Variants in CALCR observed in about 807,000 individuals in gnomAD.
The protein encoded by CALCR is calcitonin receptor.
Under a neutral mutation model 59.5 loss-of-function variants are expected in CALCR, and 47 were observed. The ratio of observed to expected loss-of-function variants is 0.79; its 90% CI spans 0.63 to 1.01. The LOEUF is 1.01. Ranked by LOEUF, CALCR falls within the 50% of genes least tolerant of loss-of-function variation. The probability of loss-of-function intolerance (pLI) is 0.00; values close to 1 mark genes in which losing one functional copy is unlikely to be tolerated. For synonymous variants in CALCR, 213 were observed against 211.3 expected, an observed-to-expected ratio of 1.01 and a Z score of -0.07; for missense variants, 566 against 597.1, an observed-to-expected ratio of 0.95 and a Z score of 0.54.
chr7:93,445,009 G>A (rs946264694), intron 8 of CALCR, among the ~76,000 whole-genome samples: 2 of 152,046 alleles, frequency 1.3e-5, no homozygotes, highest in Non-Finnish European at 2.9e-5. Flanking sequence ...ATATTCTACT[G>A]TGTTTCCTTT....
At chr7:93,450,843 C>A (rs1035299515) in intron 8 of CALCR, among the ~76,000 whole-genome samples, 5 of 151,932 alleles carry the variant, frequency 3.3e-5, no homozygotes, top group African/African-American at 4.8e-5. Context: ...GTAATATATA[C>A]CCTGTAACAT....
intron 4 of CALCR, among the ~76,000 whole-genome samples, chr7:93,478,636 A>AATATATATATATAT (rs10543619): frequency 1.4e-5 from 2 of 147,478 alleles, no homozygotes; most frequent in African/African-American, 4.9e-5. Context: ...CCCTGTCTTA[A>AATATATATATATAT]ATATATATAT....
intron 2 of CALCR, among the ~76,000 whole-genome samples, chr7:93,518,364 A>G (rs1007229353): frequency 2.0e-5 from 3 of 151,862 alleles, no homozygotes; most frequent in Non-Finnish European, 4.4e-5. Context: ...AACAAAAAAC[A>G]CAAATGACCT....
intron 2 of CALCR, among the ~76,000 whole-genome samples, chr7:93,567,615 T>C (rs938223705): frequency 2.6e-5 from 4 of 152,282 alleles, no homozygotes; most frequent in East Asian, 1.9e-4. Flanking sequence ...GTTTGTTACA[T>C]AGGTATACAT....
intron 13 of CALCR, 38 bp from the exon 14 acceptor site, chr7:93,426,627 T>G: frequency 9.7e-7 from 1 of 1,032,372 alleles, no homozygotes; most frequent in Non-Finnish European, 1.5e-6. Flanking sequence ...TATATGATAG[T>G]CAGAAATGAT....
chr7:93,502,116 T>C (rs968670654), intron 2 of CALCR, among the ~76,000 whole-genome samples: 1 of 152,082 alleles, frequency 6.6e-6, no homozygotes, highest in Non-Finnish European at 1.5e-5. Flanking sequence ...GGACTCCTTT[T>C]TTGAAGAGGG....
At chr7:93,464,984 T>C (rs1358565729) in intron 7 of CALCR, among the ~76,000 whole-genome samples, 1 of 151,990 alleles carries the variant, frequency 6.6e-6, no homozygotes, top group East Asian at 1.9e-4. Context: ...ATTACCTATA[T>C]ATGCTTTTTG....
chr7:93,458,809 T>C (rs1800260370), intron 8 of CALCR, among the ~76,000 whole-genome samples: 1 of 152,174 alleles, frequency 6.6e-6, no homozygotes, highest in South Asian at 2.1e-4. Context: ...TTCCAGCGTA[T>C]TGTCTCCACA....
At chr7:93,438,391 T>C (rs1057332707) in intron 9 of CALCR, 121 bp from the exon 10 acceptor site, 1 of 738,780 alleles carries the variant, frequency 1.4e-6, no homozygotes. Context: ...TCTGTCAAGA[T>C]GTTCCCCTGA....
intron 13 of CALCR, among the ~76,000 whole-genome samples, chr7:93,432,515 A>G (rs1390060533): frequency 6.6e-6 from 1 of 152,210 alleles, no homozygotes; most frequent in Admixed American, 6.5e-5. Context: ...ACCTTCCCCC[A>G]GTAACGGGAT....
Position 93,425,807 on chromosome 7 carries a change from T to G in CALCR, c.*549A>C, listed in dbSNP as rs1475392982. On this transcript the variant is annotated 3_prime_UTR_variant, in exon 14 of 14. Transcript: ENST00000426151. ...CTTTTTCTTCACATATTTACTAATC[T>G]CTCTATTAGAAAGCCGCTTTGTCTT... The G allele has an allele frequency of 6.6e-6, 1 of 152,182 alleles. No homozygotes were observed. The highest frequency in any genetic ancestry group is 1.9e-4 in the East Asian group (1 of 5,200). 9.4% of individuals were successfully genotyped at this position (152,182 alleles called of 1,614,324 possible).
At chr7:93,432,374 T>G (rs1799677128) in intron 13 of CALCR, among the ~76,000 whole-genome samples, 1 of 152,194 alleles carries the variant, frequency 6.6e-6, no homozygotes, top group South Asian at 2.1e-4. Context: ...GTGCCCTGCC[T>G]GTGTTCAATA....
At chr7:93,466,710 G>T (rs185461216) in intron 7 of CALCR, among the ~76,000 whole-genome samples, 1 of 151,668 alleles carries the variant, frequency 6.6e-6, no homozygotes, top group Admixed American at 6.6e-5. Context: ...ACTGAGAGAC[G>T]GTAGGGCAAA....
intron 2 of CALCR, among the ~76,000 whole-genome samples, chr7:93,496,906 G>C (rs866522104): frequency 3.1e-4 from 47 of 151,708 alleles, no homozygotes; most frequent in African/African-American, 1.1e-3. Flanking sequence ...AAAGCCTTCT[G>C]TTTGGATAAC....
At chr7:93,525,116 C>T (rs554748007) in intron 2 of CALCR, among the ~76,000 whole-genome samples, 2 of 151,210 alleles carry the variant, frequency 1.3e-5, no homozygotes, top group South Asian at 2.1e-4. Flanking sequence ...AAAATTTTTT[C>T]TTTTCCTAGA....
chr7:93,443,623 C>G lies in CALCR; in HGVS notation c.783G>C (p.Trp261Cys), dbSNP rs769360550. 1.9e-6 allele frequency: 3 copies of G among 1,613,172 alleles called. No homozygotes were observed. Among genetic ancestry groups the G allele is most frequent in the East Asian group, 4.5e-5 (2 of 44,824 alleles). Residue 261 changes from tryptophan to cysteine, a missense_variant, in exon 9 of 14, where the codon TGG becomes TGC. Physicochemically the swap from Trp to Cys is radical, Grantham distance 215. Coordinates refer to ENST00000426151, the MANE Select transcript of CALCR (RefSeq NM_001742.4). ...AVFTEKQRLR[W>C]YYLLGWGFPL... ...ACATACCCCAGCCCAAGAGATAATACCACCGCAAGCGTTGCTTCTCAGTAA... is the reference window on the plus strand; with the variant it reads ...ACATACCCCAGCCCAAGAGATAATAGCACCGCAAGCGTTGCTTCTCAGTAA...
intron 13 of CALCR, among the ~76,000 whole-genome samples, chr7:93,432,481 T>C (rs920850008): frequency 1.3e-5 from 2 of 152,194 alleles, no homozygotes; most frequent in Non-Finnish European, 2.9e-5. Context: ...CACAATTCTA[T>C]ATTATTAGAA....
chr7:93,549,241 TC>T (rs1789384808), intron 2 of CALCR, among the ~76,000 whole-genome samples: 1 of 152,152 alleles, frequency 6.6e-6, no homozygotes, highest in Admixed American at 6.6e-5. Flanking sequence ...TCAGATGGAA[TC>T]TTAAAATCTG....
intron 2 of CALCR, among the ~76,000 whole-genome samples, chr7:93,545,998 CA>C (rs964121280): frequency 5.3e-5 from 8 of 151,476 alleles, no homozygotes; most frequent in Admixed American, 2.6e-4. Context: ...AAGAAAATAA[CA>C]AAAAAAATAC....
Sources: allele counts gnomAD v4.1 joint callset (sites outside exome capture counted in the v4.1 genomes callset), GRCh38; gene constraint gnomAD v4.1.1; transcripts MANE v1.5; gene names NCBI Gene and HGNC (gene_info 2026-07-23, HGNC 2026-07-21).